Variants in TCF25 observed in about 807,000 individuals in gnomAD.
The protein encoded by TCF25 is ribosome quality control complex subunit TCF25.
In TCF25, 41 loss-of-function variants were observed where a neutral mutation model predicts 83.1. The observed-to-expected ratio is 0.49, with a 90% CI of 0.38 to 0.64. The LOEUF is 0.64. Ranked by LOEUF, TCF25 falls within the 30% of genes least tolerant of loss-of-function variation. The probability of loss-of-function intolerance (pLI) is 0.00; values close to 1 mark genes in which losing one functional copy is unlikely to be tolerated. For missense variants in TCF25, 979 were observed against 914.5 expected, an observed-to-expected ratio of 1.07 and a Z score of -0.91; for synonymous variants, 458 against 365.0, an observed-to-expected ratio of 1.25 and a Z score of -2.90.
chr16:89,903,011 C>G (rs2044473251), intron 12 of TCF25, among the ~76,000 whole-genome samples: 1 of 152,164 alleles, frequency 6.6e-6, no homozygotes. Flanking sequence ...GCTCGCTGAC[C>G]CCAAAAGTTT....
At position 89,885,956 on chromosome 16, in the gene TCF25, G is replaced by T; in HGVS notation, c.538G>T (p.Val180Leu). The T allele has an allele frequency of 1.9e-6, 3 of 1,613,910 alleles. No homozygotes were observed. The highest frequency in any genetic ancestry group is 2.5e-6 in the Non-Finnish European group (3 of 1,179,914). The part of the protein sequence containing the change: ...PLSSRKHVLY[V>L]EHRHLNPDTE... ...GAGCTCCAGGAAGCACGTTCTCTAC[G>T]TGGAGCACAGGTGTGGCCCCCGCCC... Residue 180 changes from valine (V) to leucine (L), a missense_variant, in exon 4 of 18, where the codon GTG becomes TTG. Val to Leu is a conservative substitution (Grantham distance 32, BLOSUM62 1). Transcript: ENST00000263346.
In TCF25 at chr16:89,879,306, A is replaced by G. The variant is rs1170576714; in HGVS notation, c.193-4045A>G. Among the ~76,000 whole-genome samples, 100 of 78,492 alleles carry G rather than the reference A, an allele frequency of 1.3e-3. 3 individuals are homozygous for G. The highest frequency in any genetic ancestry group is 0.02 in the Middle Eastern group (2 of 100). The allele number at this position is 78,492 out of a possible 152,430, so 51.5% of individuals were successfully genotyped here. Reference sequence around the variant, plus strand: ...GTCCGTGTACACAGACGGGCTTCAGAGCCTGTCACACGTGCTGTTCGTGTA... The same window carrying G: ...GTCCGTGTACACAGACGGGCTTCAGGGCCTGTCACACGTGCTGTTCGTGTA... On this transcript the variant is annotated intron_variant, in intron 1 of 17. Transcript: ENST00000263346.
chr16:89,876,896 T>G (rs923478231), intron 1 of TCF25, among the ~76,000 whole-genome samples: 1 of 132,924 alleles, frequency 7.5e-6, no homozygotes, highest in Non-Finnish European at 1.5e-5. Flanking sequence ...GCCACTGCAC[T>G]CCAGCCTGGG....
chr16:89,905,062 G>A lies in TCF25; in HGVS notation c.1594G>A (p.Ala532Thr), dbSNP rs773616241. 1.7e-5 allele frequency: 27 copies of A among 1,602,170 alleles called. No individual in the cohort carries two copies. In the African/African-American group the frequency reaches 1.9e-4, roughly 11 times the overall value. Residue 532 changes from alanine to threonine, a missense_variant, in exon 14 of 18, where the codon GCC (alanine) becomes ACC (threonine). Coordinates refer to ENST00000263346, the MANE Select transcript of TCF25 (RefSeq NM_014972.3). ...NVHEVLQAVD[A>T]GDPAVEACEN... ...CCACGAGGTTCTGCAAGCAGTGGAC[G>A]CCGGGGACCCAGCCGTGGAAGCCTG...
chr16:89,910,534 T>C (rs1278850320), intron 16 of TCF25, 57 bp from the exon 17 acceptor site: 40 of 1,586,248 alleles, frequency 2.5e-5, no homozygotes, highest in Non-Finnish European at 3.3e-5. Flanking sequence ...TGAGCCGGGT[T>C]GGGTCCCACG....
intron 16 of TCF25, chr16:89,910,255 G>T (rs2045442468): frequency 2.7e-6 from 1 of 368,182 alleles, no homozygotes; most frequent in Admixed American, 4.3e-5. Flanking sequence ...GGTGCTGAAG[G>T]AGACGTTGAA....
intron 5 of TCF25, among the ~76,000 whole-genome samples, chr16:89,888,542 C>T (rs1001735669): frequency 2.7e-5 from 4 of 150,130 alleles, no homozygotes; most frequent in Admixed American, 6.7e-5. Context: ...GAGCTGAGAT[C>T]GTGACGTTGC....
At chr16:89,905,785 T>G (rs1166765634) in intron 14 of TCF25, among the ~76,000 whole-genome samples, 1 of 152,190 alleles carries the variant, frequency 6.6e-6, no homozygotes, top group Non-Finnish European at 1.5e-5. Flanking sequence ...GACAGGAGCA[T>G]TTTGTTCCCT....
At chr16:89,898,741 T>C (rs2044087815) in intron 10 of TCF25, 26 bp from the exon 11 acceptor site, 1 of 1,613,558 alleles carries the variant, frequency 6.2e-7, no homozygotes, top group Non-Finnish European at 8.5e-7. Flanking sequence ...TCCCCTTTGC[T>C]CTGCTCTCTG....
chr16:89,904,743 G>T, intron 13 of TCF25, 195 bp from the exon 14 acceptor site: 1 of 723,344 alleles, frequency 1.4e-6, no homozygotes, highest in Non-Finnish European at 2.5e-6. Flanking sequence ...AACATAACCT[G>T]CCCAACAGGC....
intron 1 of TCF25, among the ~76,000 whole-genome samples, chr16:89,879,117 G>T (rs1308748735): frequency 6.6e-6 from 1 of 151,164 alleles, no homozygotes; most frequent in Non-Finnish European, 1.5e-5. Flanking sequence ...CGTGTTGTCC[G>T]TGTACACAGA....
chr16:89,882,221 T>A (rs942518207), intron 1 of TCF25, among the ~76,000 whole-genome samples: 9 of 152,328 alleles, frequency 5.9e-5, no homozygotes, highest in Admixed American at 2.6e-4. Flanking sequence ...GTTCATTCAT[T>A]CATTCATTCT....
intron 1 of TCF25, chr16:89,878,526 T>C (rs1245992985): frequency 1.6e-6 from 2 of 1,240,952 alleles, no homozygotes; most frequent in Non-Finnish European, 2.1e-6. Flanking sequence ...TTAACTGAAA[T>C]GCTGATCGAG....
rs773291490 is a variant in TCF25 at position 89,892,461 on chromosome 16, CTT to C, written c.697+188_697+189del. On this transcript the variant is annotated intron_variant, in intron 6 of 17. Transcript: ENST00000263346. ...CGTCAGTGCCTCTTGAGCCGAGACTCTTTGCTCCAGGAGCGCTCCAGGAGTGT... is the reference window on the plus strand; with the variant it reads ...CGTCAGTGCCTCTTGAGCCGAGACTCTGCTCCAGGAGCGCTCCAGGAGTGT... Among the ~76,000 whole-genome samples the C allele has an allele frequency of 2.3e-4, 35 of 152,252 alleles. 1 individual carries two copies. The South Asian group carries it at 2.5e-3, about 11-fold the overall frequency.
Position 89,884,589 on chromosome 16 carries a change from C to T in TCF25, c.362C>T (p.Ala121Val). ...TETVPSEQSHASGKLRKKKKK... is the reference protein window; with the variant it reads ...TETVPSEQSHVSGKLRKKKKK... Reference sequence around the variant, plus strand: ...ATGTGTTTCTATCATTAGTCTCATGCAAGTGGCAAACTCCGGAAGAAGAAA... The same window carrying T: ...ATGTGTTTCTATCATTAGTCTCATGTAAGTGGCAAACTCCGGAAGAAGAAA... Residue 121 changes from alanine to valine, a missense_variant, in exon 3 of 18, where the codon GCA (alanine) becomes GTA (valine). Ala to Val is a moderately conservative substitution (Grantham distance 64, BLOSUM62 0). Transcript: ENST00000263346. The T allele has an allele frequency of 1.9e-6, 3 of 1,613,596 alleles. No homozygotes were observed. The highest frequency in any genetic ancestry group is 2.5e-6 in the Non-Finnish European group (3 of 1,179,736).
intron 16 of TCF25, chr16:89,910,377 T>A (rs981188184): frequency 5.0e-6 from 3 of 596,484 alleles, no homozygotes; most frequent in African/African-American, 1.9e-5. Flanking sequence ...CTCATCCTGT[T>A]CCCGCTGTCC....
chr16:89,904,611 AG>A (rs1482456076), intron 13 of TCF25: 1 of 504,448 alleles, frequency 2.0e-6, no homozygotes, highest in Non-Finnish European at 3.7e-6. Flanking sequence ...GAGCAAACAC[AG>A]GAGAAAGTGC....
chr16:89,893,204 C>G (rs2043563828), intron 6 of TCF25, among the ~76,000 whole-genome samples: 2 of 152,196 alleles, frequency 1.3e-5, no homozygotes, highest in African/African-American at 2.4e-5. Flanking sequence ...CCAGGTTTAT[C>G]AGAAGAAACT....
intron 6 of TCF25, among the ~76,000 whole-genome samples, chr16:89,893,345 GCC>G (rs1679155762): frequency 6.6e-6 from 1 of 152,236 alleles, no homozygotes; most frequent in South Asian, 2.1e-4. Context: ...TCCTTCCACA[GCC>G]ACCCCGGACA....
Sources: allele counts gnomAD v4.1 joint callset (sites outside exome capture counted in the v4.1 genomes callset), GRCh38; gene constraint gnomAD v4.1.1; transcripts MANE v1.5; gene names NCBI Gene and HGNC (gene_info 2026-07-23, HGNC 2026-07-21).